Variants in RRBP1 observed in about 807,000 individuals in gnomAD.
The protein encoded by RRBP1 is ribosome binding protein 1.
A neutral mutation model predicts 165.2 loss-of-function variants in RRBP1; 94 were observed. That is an observed-to-expected ratio of 0.57 (90% confidence interval 0.48 to 0.68). RRBP1 has a LOEUF of 0.68. Among genes scored for constraint, RRBP1 ranks in the 30% least tolerant of loss-of-function variants. RRBP1 has a pLI of 0.00. For synonymous variants in RRBP1, 680 were observed against 714.5 expected, an observed-to-expected ratio of 0.95 and a Z score of 0.77; for missense variants, 1,676 against 1,763.0, an observed-to-expected ratio of 0.95 and a Z score of 0.88.
chr20:17,646,065 G>A (rs1019369430), intron 3 of RRBP1, among the ~76,000 whole-genome samples: 9 of 152,088 alleles, frequency 5.9e-5, no homozygotes, highest in Admixed American at 2.6e-4. Flanking sequence ...ACACCCCAGG[G>A]GCCAGGCCCT....
In RRBP1 at chr20:17,627,279, G is replaced by GC. The variant is rs2036044326; in HGVS notation, c.2963+68dup. 1.1e-5 allele frequency: 17 copies of GC among 1,536,300 alleles called. No homozygotes were observed. The South Asian group carries it at 1.3e-4, about 12-fold the overall frequency. ...CCTGAGCACCCTCCTGAAAACCCTGGCCCCCCAAGGGTCTTTGGTCCCCCG... is the reference window on the plus strand; with the variant it reads ...CCTGAGCACCCTCCTGAAAACCCTGGCCCCCCCAAGGGTCTTTGGTCCCCCG... On this transcript the variant is annotated intron_variant, in intron 11 of 24. Transcript: ENST00000377813.
In RRBP1 at chr20:17,651,812, G is replaced by A. The variant is rs565151560; in HGVS notation, c.1912+6784C>T. ...AGGATTAGGAAGGCAGGTGTTCTCT[G>A]TCAAATACAGCCATGGACAAGTGGT... On this transcript the variant is annotated intron_variant, in intron 3 of 24. Transcript: ENST00000377813. Among the ~76,000 whole-genome samples, 248 of 152,362 alleles carry A rather than the reference G, an allele frequency of 1.6e-3. 1 individual carries two copies. Among genetic ancestry groups the A allele is most frequent in the Middle Eastern group, 0.01 (3 of 294 alleles).
At chr20:17,660,756 G>A (rs1055971028) in intron 2 of RRBP1, among the ~76,000 whole-genome samples, 2 of 152,182 alleles carry the variant, frequency 1.3e-5, no homozygotes, top group African/African-American at 4.8e-5. Context: ...CAAAGCAACA[G>A]CAGAGTCAGA....
At chr20:17,660,969 G>A (rs950250530) in intron 2 of RRBP1, among the ~76,000 whole-genome samples, 8 of 151,936 alleles carry the variant, frequency 5.3e-5, no homozygotes, top group Admixed American at 2.0e-4. Flanking sequence ...TGTCATGGCC[G>A]ATTGCCCTAG....
chr20:17,634,032 C>T (rs2036202815), intron 7 of RRBP1, among the ~76,000 whole-genome samples: 1 of 152,234 alleles, frequency 6.6e-6, no homozygotes, highest in East Asian at 1.9e-4. Flanking sequence ...CAGGGCCAGG[C>T]TGGGGAGGCT....
intron 24 of RRBP1, 129 bp downstream of exon 24, chr20:17,614,608 C>CAGCAGAG: frequency 4.1e-6 from 5 of 1,220,536 alleles, no homozygotes; most frequent in Non-Finnish European, 4.5e-6. Context: ...CTCTGCCTCC[C>CAGCAGAG]CTGGGGCTCC....
At chr20:17,647,823 C>T (rs1043183862) in intron 3 of RRBP1, among the ~76,000 whole-genome samples, 1 of 152,250 alleles carries the variant, frequency 6.6e-6, no homozygotes, top group Non-Finnish European at 1.5e-5. Flanking sequence ...ATAGCTGCTG[C>T]CTCCGGGCCT....
chr20:17,614,077 A>C lies in RRBP1; in HGVS notation c.*105T>G. 1 of 1,121,956 alleles carries C rather than the reference A, an allele frequency of 8.9e-7. No homozygotes were observed. The highest frequency in any genetic ancestry group is 1.4e-6 in the Non-Finnish European group (1 of 738,314). The allele number at this position is 1,121,956 out of a possible 1,614,324, so 69.5% of individuals were successfully genotyped here. A position where few individuals can be genotyped will look rare whatever the true frequency, so the allele number is the denominator to read the frequency against. On this transcript the variant is annotated 3_prime_UTR_variant, in exon 25 of 25. Coordinates refer to ENST00000377813, the MANE Select transcript of RRBP1 (RefSeq NM_001365613.2). ...TCATGGCTTCTCTCGGAGCTACCGG[A>C]AGTTGGGCCTGGATAACGCTGTGTA... is the stretch of plus-strand genomic sequence containing the variant.
chr20:17,616,023 G>T lies in RRBP1; in HGVS notation c.3868-14C>A. The T allele has an allele frequency of 6.2e-7, 1 of 1,601,104 alleles. No homozygotes were observed. On this transcript the variant is annotated splice_polypyrimidine_tract_variant and intron_variant, in intron 21 of 24. Transcript: ENST00000377813. ...CTGCGTCTTCAGCTGTGCAAACACC[G>T]CAAACATAACCCGGCAGCCCGGTGA...
chr20:17,681,836 C>T (rs2037196910), intron 1 of RRBP1, among the ~76,000 whole-genome samples, 192 bp downstream of exon 1: 2 of 149,170 alleles, frequency 1.3e-5, no homozygotes, highest in Non-Finnish European at 1.5e-5. Context: ...ACGGCGCTTG[C>T]CCGGCACCCC....
intron 23 of RRBP1, 50 bp downstream of exon 23, chr20:17,615,381 G>A: frequency 6.9e-7 from 1 of 1,450,364 alleles, no homozygotes; most frequent in Non-Finnish European, 9.4e-7. Context: ...AGTGGCGCCA[G>A]CCCCAGAGCA....
intron 2 of RRBP1, among the ~76,000 whole-genome samples, chr20:17,661,678 T>G: frequency 6.6e-6 from 1 of 151,004 alleles, no homozygotes; most frequent in African/African-American, 2.4e-5. Context: ...TAAGAAGGGG[T>G]GGTTAAGGGG....
intron 18 of RRBP1, 56 bp from the exon 19 acceptor site, chr20:17,619,784 C>T: frequency 7.5e-7 from 1 of 1,335,580 alleles, no homozygotes. Flanking sequence ...GCTCAAAGGG[C>T]ACTCACCTCA....
At chr20:17,671,041 T>C (rs942214559) in intron 2 of RRBP1, among the ~76,000 whole-genome samples, 3 of 152,226 alleles carry the variant, frequency 2.0e-5, no homozygotes, top group Non-Finnish European at 4.4e-5. Context: ...TTCTCTACTT[T>C]CCAGGTCATT....
rs111345527 is a variant in RRBP1, at chr20:17,663,981, C to T, written c.-21-3453G>A. 4.0e-3 allele frequency among the ~76,000 whole-genome samples: 609 copies of T among 152,318 alleles called. 9 individuals carry two copies. Among genetic ancestry groups the T allele is most frequent in the African/African-American group, 0.014 (571 of 41,570 alleles). On this transcript the variant is annotated intron_variant, in intron 2 of 24. Coordinates refer to ENST00000377813, the MANE Select transcript of RRBP1 (RefSeq NM_001365613.2). ...TCCTCTGGGAAACTTCCCAACACCC[C>T]CAGTGGGTCTGAAACTGCAGTAATA... is the stretch of plus-strand genomic sequence containing the variant.
chr20:17,679,301 T>TG (rs2037137075), intron 2 of RRBP1, among the ~76,000 whole-genome samples: 1 of 152,246 alleles, frequency 6.6e-6, no homozygotes, highest in African/African-American at 2.4e-5. Context: ...TTAACAGGTA[T>TG]GGGGGCGCTG....
At chr20:17,666,450 A>T (rs1378798997) in intron 2 of RRBP1, among the ~76,000 whole-genome samples, 2 of 152,114 alleles carry the variant, frequency 1.3e-5, no homozygotes. Flanking sequence ...TTTGTAAACT[A>T]CTTCTTCTAC....
intron 20 of RRBP1, 90 bp from the exon 21 acceptor site, chr20:17,616,929 G>T: frequency 1.9e-6 from 2 of 1,064,766 alleles, no homozygotes; most frequent in Non-Finnish European, 2.9e-6. Flanking sequence ...GAGGACCGTA[G>T]CTGCTCTCAA....
chr20:17,641,580 C>T, intron 5 of RRBP1: 1 of 602,282 alleles, frequency 1.7e-6, no homozygotes, highest in Non-Finnish European at 3.0e-6. Context: ...CGAAGGAAGC[C>T]ACCACGCCGT....
Sources: allele counts gnomAD v4.1 joint callset (sites outside exome capture counted in the v4.1 genomes callset), GRCh38; gene constraint gnomAD v4.1.1; transcripts MANE v1.5; gene names NCBI Gene and HGNC (gene_info 2026-07-23, HGNC 2026-07-21).